Variants in PPIG observed in about 807,000 individuals in gnomAD.
PPIG encodes the protein peptidylprolyl isomerase G.
A neutral mutation model predicts 87.9 loss-of-function variants in PPIG; 26 were observed. The observed-to-expected ratio is 0.30, with a 90% CI of 0.22 to 0.41. The LOEUF is 0.41. PPIG is among the 10% of genes least tolerant of loss of function. The pLI is 1.00. For synonymous variants in PPIG, 308 were observed against 276.5 expected (o/e 1.11, Z -1.13); for missense variants, 722 against 879.4 (o/e 0.82, Z 2.26).
chr2:169,596,847 A>G (rs1255011010), intron 1 of PPIG, among the ~76,000 whole-genome samples: 3 of 152,078 alleles, frequency 2.0e-5, no homozygotes, highest in African/African-American at 7.2e-5. Context: ...GACTACAGGC[A>G]TGCGCCATTA....
intron 5 of PPIG, 49 bp downstream of exon 5, chr2:169,606,195 C>T (rs1286640134): frequency 2.2e-6 from 3 of 1,356,714 alleles, no homozygotes; most frequent in Admixed American, 3.4e-5. Flanking sequence ...TATCACAGAT[C>T]TCAAAGTTAG....
In PPIG at chr2:169,638,029, G is replaced by C. The variant is rs1412801648; in HGVS notation, c.*506G>C. ...CCTGAGATCTTAAATCATCACTTTT[G>C]ATTTTATAGTAATTTGTGCTTTAAA... is the stretch of plus-strand genomic sequence containing the variant. On this transcript the variant is annotated 3_prime_UTR_variant, in exon 14 of 14. Transcript: ENST00000260970. 1 of 152,094 alleles carries C rather than the reference G, an allele frequency of 6.6e-6. No homozygotes were observed. Among genetic ancestry groups the C allele is most frequent in the Non-Finnish European group, 1.5e-5 (1 of 68,034 alleles). The allele number at this position is 152,094 out of a possible 1,614,324, so 9.4% of individuals were successfully genotyped here. A position where few individuals can be genotyped will look rare whatever the true frequency, so the allele number is the denominator to read the frequency against.
At chr2:169,635,010 T>C (rs2105523257) in intron 12 of PPIG, among the ~76,000 whole-genome samples, 1 of 152,208 alleles carries the variant, frequency 6.6e-6, no homozygotes, top group East Asian at 1.9e-4. Flanking sequence ...GCTGTGAAAG[T>C]AATGATATCA....
In PPIG at chr2:169,600,233, CCTGT is replaced by C. The variant is rs542696185; in HGVS notation, c.-69-3406_-69-3403del. Among the ~76,000 whole-genome samples, 720 of 152,102 alleles carry C rather than the reference CCTGT, an allele frequency of 4.7e-3. 1 individual carries two copies. The highest frequency in any genetic ancestry group is 7.4e-3 in the Non-Finnish European group (505 of 67,966). On this transcript the variant is annotated intron_variant, in intron 1 of 13. Coordinates refer to ENST00000260970, the MANE Select transcript of PPIG (RefSeq NM_004792.3). ...GGGGCTACAGGCATGTGCCACCATG[CCTGT>C]CTAATTTTTGTATTTTTTGTGGAGA... is the stretch of plus-strand genomic sequence containing the variant.
intron 12 of PPIG, among the ~76,000 whole-genome samples, chr2:169,634,031 G>C (rs1188235671): frequency 1.3e-5 from 2 of 151,840 alleles, no homozygotes; most frequent in Non-Finnish European, 2.9e-5. Flanking sequence ...GTTTCACCAT[G>C]TTGGCCAGGC....
At chr2:169,613,878 G>A (rs560967315) in intron 7 of PPIG, among the ~76,000 whole-genome samples, 17 of 152,234 alleles carry the variant, frequency 1.1e-4, no homozygotes, top group African/African-American at 3.9e-4. Flanking sequence ...GTGAACCAAG[G>A]TTGTGCCAGT....
intron 11 of PPIG, among the ~76,000 whole-genome samples, chr2:169,632,181 A>G (rs1686074192): frequency 6.6e-6 from 1 of 152,230 alleles, no homozygotes. Flanking sequence ...AGAGATGTTA[A>G]GCAGCATTCC....
chr2:169,637,807 A>G lies in PPIG; in HGVS notation c.*284A>G, dbSNP rs1024794925. The G allele has an allele frequency of 6.4e-5, 14 of 219,848 alleles. No individual in the cohort carries two copies. Among genetic ancestry groups the G allele is most frequent in the Non-Finnish European group, 1.1e-4 (12 of 112,616 alleles). 13.6% of individuals were successfully genotyped at this position (219,848 alleles called of 1,614,324 possible). A position where few individuals can be genotyped will look rare whatever the true frequency, so the allele number is the denominator to read the frequency against. On this transcript the variant is annotated 3_prime_UTR_variant, in exon 14 of 14. Transcript: ENST00000260970. The stretch of plus-strand genomic sequence containing the variant: ...ATGTATGCATTACTGTGTTGCAACA[A>G]TTAGCCAATAGCATCCTAATTTGTT...
chr2:169,590,407 G>A (rs199768630), intron 1 of PPIG, among the ~76,000 whole-genome samples: 26 of 152,262 alleles, frequency 1.7e-4, no homozygotes, highest in African/African-American at 5.8e-4. Context: ...TTGGGAGGCC[G>A]AGGCAGGCGG....
rs1444529356 is a variant in PPIG, at chr2:169,639,072, G to C, written c.*1549G>C. ...GATTAATGCAATATTGATATATTTG[G>C]CGTTGTGGTAGCTGTTGCAGAATGA... On this transcript the variant is annotated 3_prime_UTR_variant, in exon 14 of 14. Transcript: ENST00000260970. The C allele has an allele frequency of 6.6e-6, 1 of 151,868 alleles. No individual in the cohort carries two copies. The highest frequency in any genetic ancestry group is 1.5e-5 in the Non-Finnish European group (1 of 67,892). The allele number at this position is 151,868 out of a possible 1,614,324, so 9.4% of individuals were successfully genotyped here.
chr2:169,632,524 G>A (rs185179806), intron 11 of PPIG, among the ~76,000 whole-genome samples: 78 of 150,502 alleles, frequency 5.2e-4, no homozygotes, highest in African/African-American at 1.7e-3. Context: ...GGCAGATCAC[G>A]AGGTCAGGAG....
rs1686255174 is a variant in PPIG, at chr2:169,639,110, C to A, written c.*1587C>A. 6.6e-6 allele frequency: 1 copy of A among 151,938 alleles called. No individual in the cohort carries two copies. The highest frequency in any genetic ancestry group is 2.4e-5 in the African/African-American group (1 of 41,400). 9.4% of individuals were successfully genotyped at this position (151,938 alleles called of 1,614,324 possible). ...TGTTGCAGAATGAATAGTGTAATGA[C>A]CATAAGATTGCTTGGAAAATTGTAA... On this transcript the variant is annotated 3_prime_UTR_variant, in exon 14 of 14. Transcript: ENST00000260970.
At chr2:169,597,643 G>T (rs144626131) in intron 1 of PPIG, among the ~76,000 whole-genome samples, 1 of 151,048 alleles carries the variant, frequency 6.6e-6, no homozygotes, top group African/African-American at 2.4e-5. Flanking sequence ...GACTACAGGC[G>T]TGCGCCACCA....
At position 169,591,710 on chromosome 2, in the gene PPIG, T is replaced by C. The variant is rs542494257; in HGVS notation, c.-70+7220T>C. On this transcript the variant is annotated intron_variant, in intron 1 of 13. Coordinates refer to ENST00000260970, the MANE Select transcript of PPIG (RefSeq NM_004792.3). ...TAGAATTAGGTCAAACTAGAACATA[T>C]ATATGTCATCTGTTGGGAGCAGACT... Among the ~76,000 whole-genome samples the C allele has an allele frequency of 1.2e-4, 18 of 151,898 alleles. 1 individual carries two copies. In the South Asian group the frequency reaches 3.5e-3, roughly 30 times the overall value.
chr2:169,601,916 A>AC lies in PPIG; in HGVS notation c.-69-1726_-69-1725insC, dbSNP rs528189191. 2.6e-5 allele frequency among the ~76,000 whole-genome samples: 4 copies of AC among 152,142 alleles called. No homozygotes were observed. The East Asian group carries it at 5.8e-4, about 22-fold the overall frequency. ...TTCCAAAGACTTGTACAAAAAAAAA[A>AC]AACTCAGTAACATTTTTGTTTAGTA... On this transcript the variant is annotated intron_variant, in intron 1 of 13. Coordinates refer to ENST00000260970, the MANE Select transcript of PPIG (RefSeq NM_004792.3).
At position 169,596,113 on chromosome 2, in the gene PPIG, G is replaced by GT. The variant is rs529154956; in HGVS notation, c.-69-7522dup. ...GCCACTGCGCCCGGCCTTTTTGTTT[G>GT]TTTTTTTGAGACGGAGTCTCACTCT... is the stretch of plus-strand genomic sequence containing the variant. On this transcript the variant is annotated intron_variant, in intron 1 of 13. Coordinates refer to ENST00000260970, the MANE Select transcript of PPIG (RefSeq NM_004792.3). Among the ~76,000 whole-genome samples the GT allele has an allele frequency of 5.8e-5, 8 of 138,798 alleles. No homozygotes were observed. The East Asian group carries it at 1.6e-3, about 27-fold the overall frequency. 91.1% of individuals were successfully genotyped at this position (138,798 alleles called of 152,430 possible).
intron 7 of PPIG, among the ~76,000 whole-genome samples, chr2:169,613,418 A>T (rs572846784): frequency 6.8e-6 from 1 of 147,436 alleles, no homozygotes; most frequent in Admixed American, 6.7e-5. Flanking sequence ...CTTTTTGATA[A>T]GGTTTTTTAA....
Position 169,636,797 on chromosome 2 carries a change from G to T in PPIG, c.1539G>T (p.Arg513Ser). The change falls in exon 14 of 14, where the codon AGG becomes AGT. Residue 513 changes from arginine to serine, a missense_variant. Physicochemically the swap from Arg to Ser is moderately radical, Grantham distance 110 (BLOSUM62 -1). This residue lies in a region of PPIG where 476 missense variants were observed against 483.1 expected (regional missense o/e 0.99). Transcript: ENST00000260970. ...ATTCTAAAGGAAAAGATCAGGAAAG[G>T]AGTAGAAGTAAAGAGAAGTCTAAAC... ...QSDSKGKDQE[R>S]SRSKEKSKQL... is the part of the protein sequence containing the mutation. 1 of 1,612,854 alleles carries T rather than the reference G, an allele frequency of 6.2e-7. No homozygotes were observed. The highest frequency in any genetic ancestry group is 8.5e-7 in the Non-Finnish European group (1 of 1,179,816).
chr2:169,595,897 G>A (rs1330690688), intron 1 of PPIG, among the ~76,000 whole-genome samples: 3 of 142,640 alleles, frequency 2.1e-5, no homozygotes, highest in African/African-American at 2.6e-5. Context: ...TCTGCCTCCC[G>A]GGTTCAAGCG....
Sources: allele counts gnomAD v4.1 joint callset (sites outside exome capture counted in the v4.1 genomes callset), GRCh38; gene constraint gnomAD v4.1.1; regional missense constraint gnomAD v4.1.1; transcripts MANE v1.5; gene names NCBI Gene and HGNC (gene_info 2026-07-23, HGNC 2026-07-21).